SLC49A4: variants seen among roughly 807,000 people sequenced by gnomAD.
SLC49A4 encodes the protein solute carrier family 49 member 4, also known as disrupted in renal cancer protein 2.
In SLC49A4, 36 loss-of-function variants were observed where a neutral mutation model predicts 50.6. The ratio of observed to expected loss-of-function variants is 0.71; its 90% CI spans 0.55 to 0.94. The LOEUF is 0.94. Among genes scored for constraint, SLC49A4 ranks in the 40% least tolerant of loss-of-function variants. SLC49A4 has a pLI of 0.00. For synonymous variants in SLC49A4, 248 were observed against 241.2 expected (o/e 1.03, Z -0.26); for missense variants, 503 against 605.7 (o/e 0.83, Z 1.78).
intron 3 of SLC49A4, among the ~76,000 whole-genome samples, chr3:122,831,860 G>A (rs1936612619): frequency 6.6e-6 from 1 of 151,826 alleles, no homozygotes; most frequent in Non-Finnish European, 1.5e-5. Flanking sequence ...GCATATTTTA[G>A]GTGCTCATTC....
At chr3:122,809,963 A>G (rs1278856718) in intron 2 of SLC49A4, among the ~76,000 whole-genome samples, 1 of 152,216 alleles carries the variant, frequency 6.6e-6, no homozygotes, top group Non-Finnish European at 1.5e-5. Flanking sequence ...AAAATGCTAC[A>G]ATTGGAACAT....
At chr3:122,840,550 A>G (rs1300635309) in intron 4 of SLC49A4, among the ~76,000 whole-genome samples, 2 of 152,186 alleles carry the variant, frequency 1.3e-5, no homozygotes, top group Admixed American at 6.5e-5. Flanking sequence ...TTAGTAGCAT[A>G]TTGTTTAACC....
chr3:122,817,262 A>G (rs1936381761), intron 2 of SLC49A4, among the ~76,000 whole-genome samples: 1 of 152,196 alleles, frequency 6.6e-6, no homozygotes, highest in South Asian at 2.1e-4. Flanking sequence ...ATCTTCCAGC[A>G]ACTGCAGTTG....
chr3:122,796,094 G>A (rs1936034090), intron 1 of SLC49A4, among the ~76,000 whole-genome samples: 1 of 152,218 alleles, frequency 6.6e-6, no homozygotes, highest in African/African-American at 2.4e-5. Flanking sequence ...GGCTTTCTCA[G>A]TTGAGATTTG....
chr3:122,833,173 C>A, intron 3 of SLC49A4, 144 bp from the exon 4 acceptor site: 1 of 696,200 alleles, frequency 1.4e-6, no homozygotes, highest in Non-Finnish European at 2.3e-6. Context: ...CCCAGGAGGT[C>A]AAGTCTGTAG....
At chr3:122,847,580 C>T (rs1309737086) in intron 5 of SLC49A4, among the ~76,000 whole-genome samples, 2 of 151,776 alleles carry the variant, frequency 1.3e-5, no homozygotes, top group African/African-American at 4.8e-5. Flanking sequence ...CTCCTGACCT[C>T]GTGATCCGCC....
intron 4 of SLC49A4, among the ~76,000 whole-genome samples, chr3:122,844,995 G>A (rs79348080): frequency 1.5e-3 from 235 of 151,970 alleles, no homozygotes; most frequent in African/African-American, 5.4e-3. Context: ...CTCAGGGTAC[G>A]TGTGCAGATT....
At chr3:122,798,081 A>T (rs1345652169) in intron 1 of SLC49A4, among the ~76,000 whole-genome samples, 1 of 152,178 alleles carries the variant, frequency 6.6e-6, no homozygotes, top group East Asian at 1.9e-4. Context: ...GTTTCCACTG[A>T]TGTATTTTTC....
rs1937308984 is a variant in SLC49A4, at chr3:122,879,664, T to TCC, written c.*287_*288insCC. 1 of 243,674 alleles carries TCC rather than the reference T, an allele frequency of 4.1e-6. No individual in the cohort carries two copies. The highest frequency in any genetic ancestry group is 1.0e-4 in the South Asian group (1 of 9,738). The allele number at this position is 243,674 out of a possible 1,614,324, so 15.1% of individuals were successfully genotyped here. ...ACACATAAAGCACTACCTAAGTAATTCTCTCTCTGTTTTGTGCCAGTGCTA... is the reference window on the plus strand; with the variant it reads ...ACACATAAAGCACTACCTAAGTAATTCCCTCTCTCTGTTTTGTGCCAGTGCTA... On this transcript the variant is annotated 3_prime_UTR_variant, in exon 9 of 9. Coordinates refer to ENST00000261038, the MANE Select transcript of SLC49A4 (RefSeq NM_032839.3).
intron 7 of SLC49A4, among the ~76,000 whole-genome samples, chr3:122,867,710 G>T (rs1057216165): frequency 6.6e-6 from 1 of 152,228 alleles, no homozygotes; most frequent in African/African-American, 2.4e-5. Context: ...GGCTAGGCAC[G>T]GTGGCTCACG....
intron 7 of SLC49A4, among the ~76,000 whole-genome samples, chr3:122,868,922 A>G (rs945753018): frequency 6.6e-6 from 1 of 152,220 alleles, no homozygotes; most frequent in African/African-American, 2.4e-5. Flanking sequence ...TTTGTCCTCC[A>G]TATAATAGGC....
At position 122,855,581 on chromosome 3, in the gene SLC49A4, A is replaced by G. The variant is rs577173120; in HGVS notation, c.943-726A>G. Reference sequence around the variant, plus strand: ...AAGATACAGGAGTGATGAGGAATGTAGGCAGCATTCGTAGATTGCTGTGAA... The same window carrying G: ...AAGATACAGGAGTGATGAGGAATGTGGGCAGCATTCGTAGATTGCTGTGAA... On this transcript the variant is annotated intron_variant, in intron 5 of 8. Transcript: ENST00000261038. 6.6e-5 allele frequency among the ~76,000 whole-genome samples: 10 copies of G among 152,336 alleles called. No individual in the cohort carries two copies. In the East Asian group the frequency reaches 1.9e-3, roughly 29 times the overall value.
chr3:122,833,764 G>A (rs1196671231), intron 4 of SLC49A4, among the ~76,000 whole-genome samples: 1 of 151,884 alleles, frequency 6.6e-6, no homozygotes, highest in East Asian at 1.9e-4. Context: ...ATACAATAGT[G>A]TCTGTGAAAT....
chr3:122,804,814 A>T (rs1240047489), intron 1 of SLC49A4, among the ~76,000 whole-genome samples: 3 of 152,166 alleles, frequency 2.0e-5, no homozygotes, highest in Non-Finnish European at 4.4e-5. Context: ...AGTTTTTCAC[A>T]ATTTATTTAC....
At chr3:122,810,847 T>C (rs1936288493) in intron 2 of SLC49A4, among the ~76,000 whole-genome samples, 1 of 152,232 alleles carries the variant, frequency 6.6e-6, no homozygotes, top group South Asian at 2.1e-4. Flanking sequence ...GTGAATTGTT[T>C]AGTGACTGAT....
rs146655983 is a variant in SLC49A4 at position 122,853,497 on chromosome 3, G to A, written c.943-2810G>A. On this transcript the variant is annotated intron_variant, in intron 5 of 8. Coordinates refer to ENST00000261038, the MANE Select transcript of SLC49A4 (RefSeq NM_032839.3). ...ATTTTGACTGGGTATGGTGGCTCAC[G>A]CCTGTTATCCCAGCACTTTGGGAGG... is the stretch of plus-strand genomic sequence containing the variant. Among the ~76,000 whole-genome samples, 1,234 of 152,302 alleles carry A rather than the reference G, an allele frequency of 8.1e-3. 9 individuals carry two copies. The highest frequency in any genetic ancestry group is 0.026 in the African/African-American group (1,082 of 41,554).
intron 8 of SLC49A4, among the ~76,000 whole-genome samples, chr3:122,875,086 C>A (rs1264294102): frequency 6.6e-6 from 1 of 152,132 alleles, no homozygotes; most frequent in East Asian, 1.9e-4. Flanking sequence ...CCCTAAAAGT[C>A]CTGCAGCAGA....
intron 8 of SLC49A4, among the ~76,000 whole-genome samples, chr3:122,873,815 A>C (rs1937226621): frequency 6.6e-6 from 1 of 152,262 alleles, no homozygotes. Context: ...TCAACAACGA[A>C]GTCTGACAAT....
chr3:122,862,003 A>G (rs1330958629), intron 7 of SLC49A4, among the ~76,000 whole-genome samples: 4 of 152,200 alleles, frequency 2.6e-5, no homozygotes, highest in Non-Finnish European at 5.9e-5. Context: ...GAAGTACCAC[A>G]CAAGTACCAC....
Sources: allele counts gnomAD v4.1 joint callset (sites outside exome capture counted in the v4.1 genomes callset), GRCh38; gene constraint gnomAD v4.1.1; transcripts MANE v1.5; gene names NCBI Gene and HGNC (gene_info 2026-07-23, HGNC 2026-07-21).